Variants in CTNNA2 observed in about 807,000 individuals in gnomAD.
The protein encoded by CTNNA2 is catenin alpha-2.
Under a neutral mutation model 101.0 loss-of-function variants are expected in CTNNA2, and 42 were observed. The ratio of observed to expected loss-of-function variants is 0.42; its 90% confidence interval spans 0.32 to 0.54. The LOEUF (loss-of-function observed/expected upper bound fraction) is 0.54. CTNNA2 is among the 20% of genes least tolerant of loss of function. CTNNA2 has a pLI of 0.14. For synonymous variants in CTNNA2, 450 were observed against 456.4 expected (o/e 0.99, Z 0.18); for missense variants, 871 against 1,223.1 (o/e 0.71, Z 4.29).
intron 3 of CTNNA2, among the ~76,000 whole-genome samples, chr2:79,364,927 G>A (rs1677710958): frequency 6.6e-6 from 1 of 152,052 alleles, no homozygotes; most frequent in African/African-American, 2.4e-5. Flanking sequence ...AATTATCCCA[G>A]CAGCATCTTG....
At chr2:79,350,109 G>C (rs980675999) in intron 3 of CTNNA2, among the ~76,000 whole-genome samples, 2 of 145,968 alleles carry the variant, frequency 1.4e-5, no homozygotes, top group Admixed American at 6.9e-5. Context: ...ATGAGGTCAA[G>C]TTAATATACC....
At chr2:80,596,553 C>G (rs1697001206) in intron 15 of CTNNA2, among the ~76,000 whole-genome samples, 1 of 151,860 alleles carries the variant, frequency 6.6e-6, no homozygotes, top group Non-Finnish European at 1.5e-5. Flanking sequence ...ACCTCGTGAT[C>G]TGCCCACCTT....
At chr2:80,297,093 C>T (rs1675814936) in intron 7 of CTNNA2, among the ~76,000 whole-genome samples, 1 of 152,150 alleles carries the variant, frequency 6.6e-6, no homozygotes, top group South Asian at 2.1e-4. Flanking sequence ...TTGGCAGAGT[C>T]CTGCATTGCC....
intron 1 of CTNNA2, among the ~76,000 whole-genome samples, chr2:79,538,569 G>C (rs763994047): frequency 2.0e-5 from 3 of 152,176 alleles, no homozygotes; most frequent in South Asian, 2.1e-4. Context: ...CTATCGAGCA[G>C]ATTTTGAGAG....
At position 80,647,798 on chromosome 2, in the gene CTNNA2, C is replaced by T. The variant is rs760139097; in HGVS notation, c.2788C>T (p.Arg930Ter). 6.2e-7 allele frequency: 1 copy of T among 1,613,452 alleles called. No homozygotes were observed. The highest frequency in any genetic ancestry group is 8.5e-7 in the Non-Finnish European group (1 of 1,179,624). ...GCCTGAAGAATTCCAGACACGAGTT[C>T]GACGAGGTTCTCAGAAGAAACACAT... is the stretch of plus-strand genomic sequence containing the variant. ...EKPEEFQTRV[R>*]RGSQKKHISP... The change falls in exon 19 of 19, where the codon CGA becomes TGA. Residue 930 changes from arginine (R) to a stop codon, truncating the protein, a stop_gained. Coordinates refer to ENST00000402739, the MANE Select transcript of CTNNA2 (RefSeq NM_001282597.3). LOFTEE classifies it high-confidence loss of function.
chr2:80,113,376 GTTA>G (rs1488544133), intron 7 of CTNNA2, among the ~76,000 whole-genome samples: 3 of 152,136 alleles, frequency 2.0e-5, no homozygotes, highest in Non-Finnish European at 4.4e-5. Context: ...GCGTACACAA[GTTA>G]TTTTTATTCA....
intron 7 of CTNNA2, among the ~76,000 whole-genome samples, chr2:80,309,111 A>AAGAG (rs200394583): frequency 2.6e-5 from 4 of 151,790 alleles, no homozygotes; most frequent in East Asian, 1.9e-4. Context: ...AAAGAAAAAA[A>AAGAG]AGAGAGAGAG....
At chr2:80,539,839 T>C (rs1003686420) in intron 9 of CTNNA2, among the ~76,000 whole-genome samples, 6 of 152,226 alleles carry the variant, frequency 3.9e-5, no homozygotes, top group African/African-American at 1.4e-4. Flanking sequence ...CAGATCAATC[T>C]AAATTGCTCA....
rs187255325 is a variant in CTNNA2, at chr2:80,346,112, G to C, written c.1057-47099G>C. 2.0e-5 allele frequency among the ~76,000 whole-genome samples: 3 copies of C among 152,118 alleles called. 1 individual carries two copies. The East Asian group carries it at 5.8e-4, about 29-fold the overall frequency. On this transcript the variant is annotated intron_variant, in intron 7 of 18. Coordinates refer to ENST00000402739, the MANE Select transcript of CTNNA2 (RefSeq NM_001282597.3). ...CAGATCTGTTTATTTATTTTGTTTC[G>C]GGGACTTAATTTCGCTAGCATAATT...
intron 7 of CTNNA2, among the ~76,000 whole-genome samples, chr2:80,100,508 A>G (rs1700475867): frequency 6.6e-6 from 1 of 151,962 alleles, no homozygotes; most frequent in Non-Finnish European, 1.5e-5. Context: ...GTCTTCAAGC[A>G]TTTTCTATTT....
At chr2:80,094,941 A>G (rs924446988) in intron 7 of CTNNA2, among the ~76,000 whole-genome samples, 34 of 152,194 alleles carry the variant, frequency 2.2e-4, no homozygotes, top group Non-Finnish European at 3.2e-4. Flanking sequence ...CAATCATGTC[A>G]TCTGCAAACA....
chr2:79,892,813 C>T (rs1261138562), intron 6 of CTNNA2, among the ~76,000 whole-genome samples: 1 of 152,188 alleles, frequency 6.6e-6, no homozygotes, highest in Non-Finnish European at 1.5e-5. Context: ...CCCACTGCAA[C>T]ATCCATAACA....
intron 2 of CTNNA2, among the ~76,000 whole-genome samples, chr2:79,270,974 A>G (rs1262458668): frequency 6.6e-6 from 1 of 152,098 alleles, no homozygotes; most frequent in Admixed American, 6.6e-5. Context: ...AGATGCCAGA[A>G]GGCTGCATAT....
At chr2:79,860,849 A>G (rs1331969985) in intron 4 of CTNNA2, among the ~76,000 whole-genome samples, 1 of 152,182 alleles carries the variant, frequency 6.6e-6, no homozygotes, top group Non-Finnish European at 1.5e-5. Context: ...CATAGCACAT[A>G]GTTCTACTCA....
At position 80,608,280 on chromosome 2, in the gene CTNNA2, G is replaced by A; in HGVS notation, c.2392G>A (p.Glu798Lys). 6.2e-7 allele frequency: 1 copy of A among 1,610,994 alleles called. No homozygotes were observed. The highest frequency in any genetic ancestry group is 8.5e-7 in the Non-Finnish European group (1 of 1,177,932). Residue 798 changes from glutamate (E) to lysine (K), a missense_variant, in exon 17 of 19, where the codon GAA (glutamate) becomes AAA (lysine). Physicochemically the swap from Glu to Lys is moderately conservative, Grantham distance 56. Transcript: ENST00000402739. ...TAATATCTGCAGCAAGGTGAAGGCAGAAGTGCAGAATCTGGGAGGAGAGCT... is the reference window on the plus strand; with the variant it reads ...TAATATCTGCAGCAAGGTGAAGGCAAAAGTGCAGAATCTGGGAGGAGAGCT... Reference protein sequence around the residue: ...QLNICSKVKAEVQNLGGELIV... With the variant: ...QLNICSKVKAKVQNLGGELIV...
At chr2:80,288,019 TACTC>T (rs1558971108) in intron 7 of CTNNA2, among the ~76,000 whole-genome samples, 1 of 152,180 alleles carries the variant, frequency 6.6e-6, no homozygotes, top group African/African-American at 2.4e-5. Flanking sequence ...TTGATCTTGA[TACTC>T]AAATCATCTC....
intron 1 of CTNNA2, among the ~76,000 whole-genome samples, chr2:79,551,563 A>G (rs1203466086): frequency 6.6e-6 from 1 of 152,220 alleles, no homozygotes; most frequent in African/African-American, 2.4e-5. Context: ...TTACATTGTC[A>G]GAGTGAAATT....
chr2:80,067,583 T>C (rs1450714575), intron 7 of CTNNA2, among the ~76,000 whole-genome samples: 1 of 152,194 alleles, frequency 6.6e-6, no homozygotes, highest in African/African-American at 2.4e-5. Flanking sequence ...CCAACACAAT[T>C]CCTGATGGAT....
intron 7 of CTNNA2, among the ~76,000 whole-genome samples, chr2:80,255,124 T>C (rs1275658538): frequency 1.3e-5 from 2 of 152,200 alleles, no homozygotes; most frequent in Non-Finnish European, 2.9e-5. Context: ...CGATAGATGT[T>C]CGTCTTTCCA....
Sources: gnomAD v4.1 joint callset for allele counts (sites outside exome capture counted in the v4.1 genomes callset) on GRCh38, gnomAD v4.1.1 for gene constraint, MANE v1.5 for transcripts, NCBI Gene and HGNC (gene_info 2026-07-23, HGNC 2026-07-21) for gene names.